RBMS3: variants seen among roughly 807,000 people sequenced by gnomAD.
The protein encoded by RBMS3 is RNA-binding motif, single-stranded-interacting protein 3.
In RBMS3, 27 loss-of-function variants were observed where a neutral mutation model predicts 66.8. The observed-to-expected ratio is 0.40, with a 90% CI of 0.30 to 0.56. The LOEUF (loss-of-function observed/expected upper bound fraction) is 0.56, where lower values mean the gene tolerates loss of function less well. Ranked by LOEUF, RBMS3 falls within the 20% of genes least tolerant of loss-of-function variation. RBMS3 has a pLI of 0.40. For missense variants in RBMS3, 513 were observed against 549.5 expected (o/e 0.93, Z 0.66); for synonymous variants, 188 against 183.0 (o/e 1.03, Z -0.22).
chr3:29,791,464 T>A (rs1186317303), intron 6 of RBMS3, among the ~76,000 whole-genome samples: 1 of 152,206 alleles, frequency 6.6e-6, no homozygotes, highest in Non-Finnish European at 1.5e-5. Context: ...GTGCTTTAGC[T>A]GATATTCATT....
intron 6 of RBMS3, among the ~76,000 whole-genome samples, chr3:29,794,777 T>G (rs981387512): frequency 1.3e-5 from 2 of 152,200 alleles, no homozygotes; most frequent in Non-Finnish European, 2.9e-5. Flanking sequence ...AGATTCATTT[T>G]GTGAATGTAC....
chr3:29,477,188 G>A (rs2042976168), intron 2 of RBMS3, among the ~76,000 whole-genome samples: 1 of 152,086 alleles, frequency 6.6e-6, no homozygotes, highest in Admixed American at 6.5e-5. Flanking sequence ...TGACCCTTGA[G>A]TGATATTATA....
At chr3:29,981,006 A>G (rs1454486027) in intron 12 of RBMS3, among the ~76,000 whole-genome samples, 1 of 152,204 alleles carries the variant, frequency 6.6e-6, no homozygotes, top group Non-Finnish European at 1.5e-5. Flanking sequence ...CATTGAATCT[A>G]TAAATTACTT....
chr3:29,392,427 T>C (rs888598669), intron 1 of RBMS3, among the ~76,000 whole-genome samples: 3 of 152,204 alleles, frequency 2.0e-5, no homozygotes, highest in African/African-American at 7.2e-5. Flanking sequence ...GAGTAGACTT[T>C]CTTTTTTTCA....
At chr3:29,955,233 A>AG (rs1299887522) in intron 12 of RBMS3, among the ~76,000 whole-genome samples, 4 of 151,938 alleles carry the variant, frequency 2.6e-5, no homozygotes, top group Non-Finnish European at 5.9e-5. Flanking sequence ...ATCGAAGTGA[A>AG]GGGGTATGTG....
chr3:29,962,748 C>T (rs1696569942), intron 12 of RBMS3, among the ~76,000 whole-genome samples: 4 of 152,052 alleles, frequency 2.6e-5, no homozygotes, highest in Admixed American at 2.6e-4. Context: ...TGATTATTCA[C>T]TGTTTGTATT....
chr3:29,326,504 A>C (rs1300022537), intron 1 of RBMS3, among the ~76,000 whole-genome samples: 1 of 152,134 alleles, frequency 6.6e-6, no homozygotes, highest in Non-Finnish European at 1.5e-5. Context: ...TTATGTTTCC[A>C]TGGTCCTATG....
chr3:29,964,245 C>T (rs1178930747), intron 12 of RBMS3, among the ~76,000 whole-genome samples: 1 of 152,176 alleles, frequency 6.6e-6, no homozygotes, highest in African/African-American at 2.4e-5. Flanking sequence ...GGATCACAAG[C>T]ACCATGTGAA....
At chr3:29,812,799 C>CGAT (rs1461250429) in intron 6 of RBMS3, among the ~76,000 whole-genome samples, 2 of 152,036 alleles carry the variant, frequency 1.3e-5, no homozygotes, top group African/African-American at 4.8e-5. Context: ...GATGGAAAGA[C>CGAT]GATGTCTCCT....
intron 3 of RBMS3, among the ~76,000 whole-genome samples, chr3:29,549,530 G>A (rs1183490939): frequency 6.6e-6 from 1 of 151,106 alleles, no homozygotes; most frequent in Non-Finnish European, 1.5e-5. Context: ...CTCCCGAATA[G>A]TTGAGACTAT....
At chr3:29,898,724 G>A (rs1051972727) in intron 9 of RBMS3, among the ~76,000 whole-genome samples, 3 of 144,132 alleles carry the variant, frequency 2.1e-5, no homozygotes, top group South Asian at 2.2e-4. Flanking sequence ...AGGCCTGCCT[G>A]GTTGTAATGT....
At chr3:29,701,369 T>G (rs939165077) in intron 4 of RBMS3, among the ~76,000 whole-genome samples, 18 of 152,180 alleles carry the variant, frequency 1.2e-4, no homozygotes, top group Non-Finnish European at 2.6e-4. Context: ...GCTCACTCAC[T>G]GCAGTCTAGA....
At chr3:29,338,173 A>G (rs1464220552) in intron 1 of RBMS3, among the ~76,000 whole-genome samples, 1 of 152,144 alleles carries the variant, frequency 6.6e-6, no homozygotes, top group East Asian at 1.9e-4. Context: ...TTTTTTAAAA[A>G]CGAAGCTCCA....
intron 1 of RBMS3, among the ~76,000 whole-genome samples, chr3:29,369,805 A>G (rs1252743850): frequency 6.6e-6 from 1 of 152,102 alleles, no homozygotes; most frequent in Non-Finnish European, 1.5e-5. Flanking sequence ...CAAATTGGTG[A>G]TAGGTGGGAC....
At chr3:29,582,848 C>A (rs1404662712) in intron 3 of RBMS3, among the ~76,000 whole-genome samples, 1 of 152,070 alleles carries the variant, frequency 6.6e-6, no homozygotes, top group Non-Finnish European at 1.5e-5. Flanking sequence ...ATGTAAAACT[C>A]AGTAATGCAA....
At chr3:29,357,107 G>T (rs1460143075) in intron 1 of RBMS3, among the ~76,000 whole-genome samples, 2 of 152,058 alleles carry the variant, frequency 1.3e-5, no homozygotes, top group African/African-American at 2.4e-5. Flanking sequence ...GTGCAGGTTT[G>T]TTACATATGT....
rs568913314 is a variant in RBMS3, at chr3:29,307,625, C to A, written c.75+25869C>A. On this transcript the variant is annotated intron_variant, in intron 1 of 14. Coordinates refer to ENST00000383767, the MANE Select transcript of RBMS3 (RefSeq NM_001003793.3). ...AAGCCTGAGAAGAACAGATGAGAGA[C>A]GCTGTTTAGAGTGACAGACATGTAG... 1.1e-4 allele frequency among the ~76,000 whole-genome samples: 17 copies of A among 151,954 alleles called. No individual in the cohort carries two copies. The South Asian group carries it at 3.1e-3, about 28-fold the overall frequency.
At chr3:29,980,387 G>A (rs954444977) in intron 12 of RBMS3, among the ~76,000 whole-genome samples, 9 of 152,128 alleles carry the variant, frequency 5.9e-5, no homozygotes, top group African/African-American at 2.2e-4. Context: ...TAGGTCGCGT[G>A]TTCACTCTGA....
At chr3:29,991,231 C>G (rs185575810) in intron 14 of RBMS3, 22 bp downstream of exon 14, 1 of 1,613,820 alleles carries the variant, frequency 6.2e-7, no homozygotes, top group East Asian at 2.2e-5. Flanking sequence ...CTGTGCTAAG[C>G]TCTTTTCCTC....
Sources: gnomAD v4.1 joint callset for allele counts (sites outside exome capture counted in the v4.1 genomes callset) on GRCh38, gnomAD v4.1.1 for gene constraint, MANE v1.5 for transcripts, NCBI Gene and HGNC (gene_info 2026-07-23, HGNC 2026-07-21) for gene names.